The following WNT7B variants were observed in gnomAD, a reference collection of about 807,000 sequenced individuals.
The protein encoded by WNT7B is Wnt family member 7B, also known as protein Wnt-7b.
In WNT7B, 19 loss-of-function variants were observed where a neutral mutation model predicts 38.2. That is an observed-to-expected ratio of 0.50 (90% CI 0.35 to 0.73). WNT7B has a LOEUF of 0.73. Among genes scored for constraint, WNT7B ranks in the 30% least tolerant of loss-of-function variants. WNT7B has a pLI of 0.01. For synonymous variants in WNT7B, 243 were observed against 209.3 expected, an observed-to-expected ratio of 1.16 and a Z score of -1.39; for missense variants, 423 against 507.9, an observed-to-expected ratio of 0.83 and a Z score of 1.61.
chr22:45,923,047 C>T lies in WNT7B; in HGVS notation c.859G>A (p.Val287Met), dbSNP rs780469731. ...YCEEDAATGS[V>M]GTQGRLCNRT... ...TTGCAGAGACGGCCCTGCGTGCCCACGCTGCCCGTGGCCGCGTCCTCCTCG... is the reference window on the plus strand; with the variant it reads ...TTGCAGAGACGGCCCTGCGTGCCCATGCTGCCCGTGGCCGCGTCCTCCTCG... The change falls in exon 4 of 4, where the codon GTG (valine) becomes ATG (methionine). Residue 287 changes from valine (V) to methionine (M), a missense_variant. Physicochemically the swap from Val to Met is conservative, Grantham distance 21 (BLOSUM62 1). Transcript: ENST00000339464. 31 of 1,612,760 alleles carry T rather than the reference C, an allele frequency of 1.9e-5. No homozygotes were observed. The highest frequency in any genetic ancestry group is 4.4e-5 in the South Asian group (4 of 91,054).
At position 45,931,137 on chromosome 22, in the gene WNT7B, C is replaced by T; in HGVS notation, c.531G>A (p.Arg177=). The T allele has an allele frequency of 1.3e-6, 2 of 1,593,774 alleles. No homozygotes were observed. Among genetic ancestry groups the T allele is most frequent in the Non-Finnish European group, 1.7e-6 (2 of 1,174,312 alleles). ...CATTGTTATGCAGGTTCATGAGGCGCCGCGCGTTCTTCTTGATCTCCCGAG... is the reference window on the plus strand; with the variant it reads ...CATTGTTATGCAGGTTCATGAGGCGTCGCGCGTTCTTCTTGATCTCCCGAG... ...VDAREIKKNA[R]RLMNLHNNEA... Residue 177 remains arginine (R), a synonymous_variant, in exon 3 of 4, where the codon CGG becomes CGA. Transcript: ENST00000339464.
At chr22:45,970,493 G>A (rs1473623997) in intron 1 of WNT7B, among the ~76,000 whole-genome samples, 1 of 151,994 alleles carries the variant, frequency 6.6e-6, no homozygotes, top group Non-Finnish European at 1.5e-5. Context: ...CCAGGCTTCT[G>A]GGGCCCCTGC....
At chr22:45,957,373 T>G (rs926949731) in intron 1 of WNT7B, among the ~76,000 whole-genome samples, 1 of 152,032 alleles carries the variant, frequency 6.6e-6, no homozygotes, top group African/African-American at 2.4e-5. Context: ...AACTCCAGGC[T>G]TCTTACAATA....
At chr22:45,928,658 A>C (rs1024906963) in intron 3 of WNT7B, among the ~76,000 whole-genome samples, 1 of 98,470 alleles carries the variant, frequency 1.0e-5, no homozygotes, top group East Asian at 2.7e-4. Flanking sequence ...CTGCCTTTCC[A>C]TCACTTGTGA....
In WNT7B at chr22:45,964,582, C is replaced by T. The variant is rs977590421; in HGVS notation, c.71+12102G>A. Reference sequence around the variant, plus strand: ...GAAGTCACCCTGGGAAGACCTGAGTCGGGGAGCCTGGAAGTCATCCAGCCC... The same window carrying T: ...GAAGTCACCCTGGGAAGACCTGAGTTGGGGAGCCTGGAAGTCATCCAGCCC... On this transcript the variant is annotated intron_variant, in intron 1 of 3. Transcript: ENST00000339464. 1.2e-4 allele frequency among the ~76,000 whole-genome samples: 19 copies of T among 152,272 alleles called. No individual in the cohort carries two copies. In the East Asian group the frequency reaches 1.7e-3, roughly 14 times the overall value.
intron 2 of WNT7B, among the ~76,000 whole-genome samples, chr22:45,937,985 G>A (rs1013155455): frequency 1.3e-5 from 2 of 152,014 alleles, no homozygotes; most frequent in Non-Finnish European, 2.9e-5. Flanking sequence ...CTCCAGCCTG[G>A]GCAATAGAGC....
At chr22:45,946,398 C>T (rs1931796840) in intron 2 of WNT7B, among the ~76,000 whole-genome samples, 1 of 152,226 alleles carries the variant, frequency 6.6e-6, no homozygotes, top group African/African-American at 2.4e-5. Context: ...TTGAAACTCC[C>T]TGCCTTGTTG....
rs113862220 is a variant in WNT7B at position 45,964,293 on chromosome 22, G to C, written c.71+12391C>G. ...CACTCCCTGAACACCCTGAGGCTCA[G>C]AAAGGTGTGCCCAACATGCGACTCC... On this transcript the variant is annotated intron_variant, in intron 1 of 3. Coordinates refer to ENST00000339464, the MANE Select transcript of WNT7B (RefSeq NM_058238.3). Among the ~76,000 whole-genome samples, 526 of 152,258 alleles carry C rather than the reference G, an allele frequency of 3.5e-3. 6 individuals are homozygous for C. Among genetic ancestry groups the C allele is most frequent in the African/African-American group, 0.012 (511 of 41,554 alleles).
At position 45,922,906 on chromosome 22, in the gene WNT7B, C is replaced by G; in HGVS notation, c.1000G>C (p.Val334Leu). The G allele has an allele frequency of 1.9e-6, 3 of 1,611,300 alleles. No individual in the cohort carries two copies. Among genetic ancestry groups the G allele is most frequent in the East Asian group, 2.2e-5 (1 of 44,758 alleles). Residue 334 changes from valine (V) to leucine (L), a missense_variant, in exon 4 of 4, where the codon GTC becomes CTC. Val to Leu is a conservative substitution (Grantham distance 32). This residue lies in a region of WNT7B where 158 missense variants were observed against 214.7 expected (regional missense o/e 0.74). Transcript: ENST00000339464. ...CGCTCGCTGCAGGTGTTGCACTTGA[C>G]GAAGCAGCACCAGTGGAATTTGCAG... ...CNCKFHWCCF[V>L]KCNTCSERTE...
At chr22:45,929,904 C>G (rs1931272640) in intron 3 of WNT7B, among the ~76,000 whole-genome samples, 1 of 148,886 alleles carries the variant, frequency 6.7e-6, no homozygotes, top group African/African-American at 2.6e-5. Flanking sequence ...ACTCATCTAT[C>G]TACCCATCCA....
chr22:45,953,807 T>C (rs998037571), intron 1 of WNT7B, among the ~76,000 whole-genome samples: 3 of 151,760 alleles, frequency 2.0e-5, no homozygotes, highest in Admixed American at 1.3e-4. Context: ...CCCTCACACA[T>C]TGACGATAGG....
At chr22:45,928,873 C>A (rs1232564731) in intron 3 of WNT7B, among the ~76,000 whole-genome samples, 36 of 143,632 alleles carry the variant, frequency 2.5e-4, no homozygotes, top group Admixed American at 2.3e-3. Context: ...CCACGACATA[C>A]CACGACCTTG....
intron 3 of WNT7B, chr22:45,927,093 G>C: frequency 2.0e-6 from 2 of 985,448 alleles, no homozygotes; most frequent in South Asian, 9.4e-5. Flanking sequence ...TCTGCAGATG[G>C]ACAATCTCTT....
At chr22:45,971,361 G>A (rs1415561023) in intron 1 of WNT7B, among the ~76,000 whole-genome samples, 4 of 152,334 alleles carry the variant, frequency 2.6e-5, no homozygotes, top group South Asian at 2.1e-4. Context: ...TAAGTCAGAG[G>A]CCAGAGCATA....
chr22:45,945,903 G>T (rs1186359185), intron 2 of WNT7B, among the ~76,000 whole-genome samples: 1 of 152,268 alleles, frequency 6.6e-6, no homozygotes, highest in Non-Finnish European at 1.5e-5. Context: ...GCTCACGTGA[G>T]CATGGATTAG....
At chr22:45,968,663 A>G (rs1481269304) in intron 1 of WNT7B, among the ~76,000 whole-genome samples, 1 of 152,082 alleles carries the variant, frequency 6.6e-6, no homozygotes, top group Non-Finnish European at 1.5e-5. Context: ...CCTTTAGCCA[A>G]TGGTTGTTGG....
intron 2 of WNT7B, among the ~76,000 whole-genome samples, chr22:45,947,976 C>A (rs1322849552): frequency 6.6e-6 from 1 of 152,186 alleles, no homozygotes; most frequent in African/African-American, 2.4e-5. Context: ...GGGTGGCCCA[C>A]ACGTCCCTCA....
In WNT7B at chr22:45,972,410, G is replaced by C. The variant is rs908302627; in HGVS notation, c.71+4274C>G. The C allele has an allele frequency of 1.1e-5, 3 of 272,890 alleles. No homozygotes were observed. The East Asian group carries it at 2.0e-4, about 18-fold the overall frequency. The allele number at this position is 272,890 out of a possible 1,614,324, so 16.9% of individuals were successfully genotyped here. On this transcript the variant is annotated intron_variant, in intron 1 of 3. Transcript: ENST00000339464. ...TCGCCCGTGCCCCGCCGCTAGGGCC[G>C]CGCATGGCGCTGGGTCTGGGGCAGC...
At chr22:45,934,763 G>A (rs988722776) in intron 2 of WNT7B, among the ~76,000 whole-genome samples, 1 of 152,190 alleles carries the variant, frequency 6.6e-6, no homozygotes, top group Non-Finnish European at 1.5e-5. Context: ...GTTACTCATC[G>A]CCTGCCGCTC....
Sources: allele counts gnomAD v4.1 joint callset (sites outside exome capture counted in the v4.1 genomes callset), GRCh38; gene constraint gnomAD v4.1.1; regional missense constraint gnomAD v4.1.1; transcripts MANE v1.5; gene names NCBI Gene and HGNC (gene_info 2026-07-23, HGNC 2026-07-21).